HCRTR2: variants seen among roughly 807,000 people sequenced by gnomAD.
HCRTR2 encodes the protein hypocretin receptor 2, also known as orexin receptor type 2.
In HCRTR2, 22 loss-of-function variants were observed where a neutral mutation model predicts 49.0. The ratio of observed to expected loss-of-function variants is 0.45; its 90% CI spans 0.32 to 0.64. The LOEUF (loss-of-function observed/expected upper bound fraction) is 0.64. HCRTR2 is among the 30% of genes least tolerant of loss of function. The pLI, the probability that HCRTR2 is intolerant of heterozygous loss-of-function variation, is 0.04. For synonymous variants in HCRTR2, 236 were observed against 205.3 expected (o/e 1.15, Z -1.28); for missense variants, 491 against 559.4 (o/e 0.88, Z 1.23).
intron 1 of HCRTR2, among the ~76,000 whole-genome samples, chr6:55,189,860 G>A (rs1003742364): frequency 1.3e-5 from 2 of 152,036 alleles, no homozygotes; most frequent in African/African-American, 2.4e-5. Context: ...CTTAAAATGG[G>A]AAATATGTAA....
intron 1 of HCRTR2, among the ~76,000 whole-genome samples, chr6:55,216,230 C>G (rs917190876): frequency 1.3e-5 from 2 of 152,182 alleles, no homozygotes; most frequent in African/African-American, 4.8e-5. Context: ...TAAGTTTTAA[C>G]ATGAGTTTCA....
chr6:55,206,499 A>G (rs1047116733), intron 1 of HCRTR2, among the ~76,000 whole-genome samples: 3 of 151,990 alleles, frequency 2.0e-5, no homozygotes, highest in Non-Finnish European at 4.4e-5. Flanking sequence ...ACTAGAATTA[A>G]TGGAAGCTAT....
intron 1 of HCRTR2, among the ~76,000 whole-genome samples, chr6:55,202,827 A>G (rs1173151073): frequency 2.0e-5 from 3 of 152,116 alleles, no homozygotes; most frequent in African/African-American, 7.2e-5. Context: ...TGCCTGTGGA[A>G]ACACTTTTAT....
intron 1 of HCRTR2, among the ~76,000 whole-genome samples, chr6:55,145,141 C>G (rs1287547416): frequency 6.6e-6 from 1 of 152,108 alleles, no homozygotes; most frequent in Non-Finnish European, 1.5e-5. Context: ...CCTTCTCATT[C>G]CTTGTTTTAC....
rs946172085 is a variant in HCRTR2, at chr6:55,199,572, A to G, written c.223+24762A>G. ...GTATTGAACTAATTTTTCTAGTAATACATTCTATGCATTACAAAAATAGCA... is the reference window on the plus strand; with the variant it reads ...GTATTGAACTAATTTTTCTAGTAATGCATTCTATGCATTACAAAAATAGCA... On this transcript the variant is annotated intron_variant, in intron 1 of 6. Transcript: ENST00000370862. Among the ~76,000 whole-genome samples, 3 of 152,334 alleles carry G rather than the reference A, an allele frequency of 2.0e-5. No homozygotes were observed. The South Asian group carries it at 6.2e-4, about 32-fold the overall frequency.
At chr6:55,143,420 T>A (rs1415072908) in intron 1 of HCRTR2, among the ~76,000 whole-genome samples, 1 of 152,208 alleles carries the variant, frequency 6.6e-6, no homozygotes, top group East Asian at 1.9e-4. Flanking sequence ...TTATTCCAAA[T>A]GTCTTTGCCT....
At chr6:55,239,728 C>T (rs1308762192) in intron 1 of HCRTR2, among the ~76,000 whole-genome samples, 6 of 151,322 alleles carry the variant, frequency 4.0e-5, no homozygotes, top group East Asian at 3.9e-4. Context: ...AAATAAAACC[C>T]GAAACACATT....
intron 1 of HCRTR2, among the ~76,000 whole-genome samples, chr6:55,204,962 G>GT (rs553153213): frequency 3.4e-4 from 52 of 151,928 alleles, no homozygotes; most frequent in Admixed American, 4.6e-4. Flanking sequence ...ATTTTTTTTA[G>GT]TTTTTTTTAT....
intron 1 of HCRTR2, among the ~76,000 whole-genome samples, chr6:55,147,059 G>A (rs1764589337): frequency 6.6e-6 from 1 of 152,038 alleles, no homozygotes; most frequent in African/African-American, 2.4e-5. Flanking sequence ...AGCAAATGTA[G>A]GGAGCTATCA....
chr6:55,115,574 G>A (rs990822564), intron 1 of HCRTR2, among the ~76,000 whole-genome samples: 1 of 151,302 alleles, frequency 6.6e-6, no homozygotes, highest in Non-Finnish European at 1.5e-5. Context: ...GTAGTGCCAG[G>A]AATATTCTCT....
chr6:55,161,524 T>C (rs1360460296), intron 1 of HCRTR2, among the ~76,000 whole-genome samples: 3 of 151,788 alleles, frequency 2.0e-5, no homozygotes, highest in Non-Finnish European at 2.9e-5. Context: ...AAACCCTTCA[T>C]AAATCAATGA....
intron 1 of HCRTR2, among the ~76,000 whole-genome samples, chr6:55,147,621 A>C (rs570379132): frequency 1.3e-5 from 2 of 152,308 alleles, no homozygotes; most frequent in Non-Finnish European, 2.9e-5. Context: ...TCAGTACAAT[A>C]GGCTGCTCTA....
At chr6:55,145,319 A>G (rs1433131793) in intron 1 of HCRTR2, among the ~76,000 whole-genome samples, 1 of 151,816 alleles carries the variant, frequency 6.6e-6, no homozygotes, top group African/African-American at 2.4e-5. Context: ...GTCAATGTCT[A>G]CTCATTCCAC....
intron 1 of HCRTR2, among the ~76,000 whole-genome samples, chr6:55,133,646 T>C (rs932247420): frequency 1.4e-5 from 2 of 146,578 alleles, no homozygotes; most frequent in Non-Finnish European, 3.0e-5. Context: ...CTACATGTAT[T>C]TATCTATCTA....
intron 1 of HCRTR2, among the ~76,000 whole-genome samples, chr6:55,219,391 G>A: frequency 6.6e-6 from 1 of 151,994 alleles, no homozygotes; most frequent in East Asian, 1.9e-4. Flanking sequence ...AATTACAAAA[G>A]GAAACTGGCA....
chr6:55,188,844 G>T (rs1765268715), intron 1 of HCRTR2, among the ~76,000 whole-genome samples: 1 of 152,170 alleles, frequency 6.6e-6, no homozygotes, highest in Non-Finnish European at 1.5e-5. Flanking sequence ...CATGGGGAAA[G>T]AAATACCTTC....
intron 1 of HCRTR2, among the ~76,000 whole-genome samples, chr6:55,236,125 G>C (rs527261523): frequency 6.6e-6 from 1 of 151,804 alleles, no homozygotes; most frequent in African/African-American, 2.4e-5. Context: ...CTTATTCTTC[G>C]ATTCCATGAG....
At chr6:55,196,444 T>C (rs944704704) in intron 1 of HCRTR2, among the ~76,000 whole-genome samples, 26 of 152,178 alleles carry the variant, frequency 1.7e-4, no homozygotes, top group African/African-American at 5.8e-4. Flanking sequence ...TGATTAGACA[T>C]AGAGGTGCCT....
At position 55,174,862 on chromosome 6, in the gene HCRTR2, C is replaced by T. The variant is rs755232101; in HGVS notation, c.223+52C>T. 6.7e-6 allele frequency: 10 copies of T among 1,487,650 alleles called. 1 individual carries two copies. The highest frequency in any genetic ancestry group is 5.6e-5 in the South Asian group (5 of 88,574). The allele number at this position is 1,487,650 out of a possible 1,614,324, so 92.2% of individuals were successfully genotyped here. A position where few individuals can be genotyped will look rare whatever the true frequency, so the allele number is the denominator to read the frequency against. On this transcript the variant is annotated intron_variant, in intron 1 of 6. Coordinates refer to ENST00000370862, the MANE Select transcript of HCRTR2 (RefSeq NM_001384272.1). ...TAGGGGCTATCACCCCCTCTCCGCC[C>T]CGGGCTGAGAAGGCTCTAAAGAGAC...
Sources: allele counts gnomAD v4.1 joint callset (sites outside exome capture counted in the v4.1 genomes callset), GRCh38; gene constraint gnomAD v4.1.1; transcripts MANE v1.5; gene names NCBI Gene and HGNC (gene_info 2026-07-23, HGNC 2026-07-21).